The following AK5 variants were observed in gnomAD, a reference collection of about 807,000 sequenced individuals.
AK5 encodes the protein adenylate kinase isoenzyme 5.
A neutral mutation model predicts 69.5 loss-of-function variants in AK5; 27 were observed. The observed-to-expected ratio is 0.39, with a 90% CI of 0.29 to 0.54. The LOEUF (loss-of-function observed/expected upper bound fraction) is 0.54, where lower values mean the gene tolerates loss of function less well. Ranked by LOEUF, AK5 falls within the 20% of genes least tolerant of loss-of-function variation. AK5 has a pLI of 0.71. For synonymous variants in AK5, 260 were observed against 244.4 expected, an observed-to-expected ratio of 1.06 and a Z score of -0.60; for missense variants, 531 against 700.4, an observed-to-expected ratio of 0.76 and a Z score of 2.73.
chr1:77,308,843 C>T (rs1039280587), intron 5 of AK5, among the ~76,000 whole-genome samples: 1 of 151,284 alleles, frequency 6.6e-6, no homozygotes, highest in Admixed American at 6.6e-5. Flanking sequence ...ATGACGTGTG[C>T]CTACAGTCCC....
At chr1:77,519,235 T>G (rs974638824) in intron 11 of AK5, among the ~76,000 whole-genome samples, 1 of 152,184 alleles carries the variant, frequency 6.6e-6, no homozygotes. Flanking sequence ...TCAAGAAATA[T>G]TCATCCCTGC....
intron 7 of AK5, among the ~76,000 whole-genome samples, chr1:77,415,926 T>C (rs1332777251): frequency 6.6e-6 from 1 of 152,188 alleles, no homozygotes; most frequent in Non-Finnish European, 1.5e-5. Context: ...TTTTCTAAAA[T>C]GAGAAGTGGG....
chr1:77,326,820 A>G (rs571241114), intron 5 of AK5, among the ~76,000 whole-genome samples: 24 of 152,260 alleles, frequency 1.6e-4, no homozygotes, highest in Admixed American at 1.1e-3. Flanking sequence ...AATGAATACA[A>G]TGAAACTAAA....
At chr1:77,342,425 T>G (rs555812456) in intron 6 of AK5, among the ~76,000 whole-genome samples, 2 of 152,304 alleles carry the variant, frequency 1.3e-5, no homozygotes, top group African/African-American at 4.8e-5. Context: ...ATATTTTGCA[T>G]GGAGGTGAAA....
intron 12 of AK5, among the ~76,000 whole-genome samples, chr1:77,529,456 C>T (rs368419823): frequency 1.3e-5 from 2 of 151,926 alleles, no homozygotes; most frequent in African/African-American, 2.4e-5. Context: ...GCCTCAGCAG[C>T]GGGGATTACA....
At chr1:77,417,501 T>C (rs1650508862) in intron 7 of AK5, 138 bp from the exon 8 acceptor site, 3 of 628,018 alleles carry the variant, frequency 4.8e-6, no homozygotes, top group Non-Finnish European at 8.5e-6. Flanking sequence ...ACATTGTACC[T>C]GGCAGATGAG....
intron 5 of AK5, among the ~76,000 whole-genome samples, chr1:77,319,453 T>G (rs2100319474): frequency 6.6e-6 from 1 of 152,350 alleles, no homozygotes; most frequent in East Asian, 1.9e-4. Flanking sequence ...TTTGTATTTC[T>G]CATGGCTCTG....
intron 6 of AK5, among the ~76,000 whole-genome samples, chr1:77,372,056 T>C (rs1647131490): frequency 6.6e-6 from 1 of 152,210 alleles, no homozygotes; most frequent in Non-Finnish European, 1.5e-5. Context: ...TTCTTACTAA[T>C]GCAACATGTG....
In AK5 at chr1:77,342,271, G is replaced by A. The variant is rs1661696511; in HGVS notation, c.891+1703G>A. Among the ~76,000 whole-genome samples the A allele has an allele frequency of 2.0e-5, 3 of 152,122 alleles. No homozygotes were observed. The South Asian group carries it at 6.2e-4, about 31-fold the overall frequency. On this transcript the variant is annotated intron_variant, in intron 6 of 13. Coordinates refer to ENST00000354567, the MANE Select transcript of AK5 (RefSeq NM_174858.3). Reference sequence around the variant, plus strand: ...CCTACAAACCAAACCCCAACTGTAAGGTGCAGGGCCAGATTTAATTGATGT... The same window carrying A: ...CCTACAAACCAAACCCCAACTGTAAAGTGCAGGGCCAGATTTAATTGATGT...
At chr1:77,434,403 TAC>T (rs1221112125) in intron 8 of AK5, among the ~76,000 whole-genome samples, 3 of 152,176 alleles carry the variant, frequency 2.0e-5, no homozygotes, top group Non-Finnish European at 4.4e-5. Flanking sequence ...AGTTGAGAGA[TAC>T]AGTCTTTGAG....
intron 5 of AK5, among the ~76,000 whole-genome samples, chr1:77,317,931 C>T (rs1660324009): frequency 6.6e-6 from 1 of 152,170 alleles, no homozygotes; most frequent in Non-Finnish European, 1.5e-5. Flanking sequence ...TTCTTAAACA[C>T]ATTAGCATGC....
chr1:77,487,326 C>T (rs1184229432), intron 10 of AK5, among the ~76,000 whole-genome samples: 1 of 152,134 alleles, frequency 6.6e-6, no homozygotes, highest in Non-Finnish European at 1.5e-5. Flanking sequence ...GCCAGATTTC[C>T]AGTTTTCCTC....
At chr1:77,439,812 A>G (rs1382397773) in intron 8 of AK5, among the ~76,000 whole-genome samples, 2 of 151,736 alleles carry the variant, frequency 1.3e-5, no homozygotes, top group Admixed American at 1.3e-4. Flanking sequence ...ATACATACAT[A>G]TATATGTATG....
At chr1:77,359,491 T>TA (rs1335955130) in intron 6 of AK5, among the ~76,000 whole-genome samples, 4 of 152,140 alleles carry the variant, frequency 2.6e-5, no homozygotes, top group African/African-American at 9.7e-5. Context: ...AACTTTTTTG[T>TA]AAAAACTTTT....
chr1:77,370,153 T>C (rs1212295664), intron 6 of AK5, among the ~76,000 whole-genome samples: 1 of 152,156 alleles, frequency 6.6e-6, no homozygotes, highest in Non-Finnish European at 1.5e-5. Context: ...GACAGGTGTC[T>C]TCTAGAGGGT....
At chr1:77,360,300 A>T (rs758493034) in intron 6 of AK5, among the ~76,000 whole-genome samples, 28 of 152,210 alleles carry the variant, frequency 1.8e-4, no homozygotes, top group Non-Finnish European at 3.7e-4. Context: ...GATATCATAG[A>T]TGCTAAATTT....
At chr1:77,300,218 G>A (rs573092782) in intron 5 of AK5, among the ~76,000 whole-genome samples, 1 of 152,248 alleles carries the variant, frequency 6.6e-6, no homozygotes, top group South Asian at 2.1e-4. Context: ...CTCTTATATA[G>A]CCTAGTCACG....
intron 6 of AK5, among the ~76,000 whole-genome samples, chr1:77,375,417 T>C (rs1172911569): frequency 2.0e-5 from 3 of 152,180 alleles, no homozygotes; most frequent in Non-Finnish European, 2.9e-5. Context: ...GCTGGGGATC[T>C]GCCATCCCAG....
intron 2 of AK5, among the ~76,000 whole-genome samples, chr1:77,289,728 T>G (rs1658571451): frequency 6.6e-6 from 1 of 151,732 alleles, no homozygotes; most frequent in Admixed American, 6.6e-5. Context: ...TTAAAAACAG[T>G]CAAGTACACC....
Sources: allele counts gnomAD v4.1 joint callset (sites outside exome capture counted in the v4.1 genomes callset), GRCh38; gene constraint gnomAD v4.1.1; transcripts MANE v1.5; gene names NCBI Gene and HGNC (gene_info 2026-07-23, HGNC 2026-07-21).